FGD6: variants seen among roughly 807,000 people sequenced by gnomAD.
FGD6 encodes FYVE, RhoGEF and PH domain containing 6, also known as FYVE, RhoGEF and PH domain-containing protein 6.
In FGD6, 90 loss-of-function variants were observed where a neutral mutation model predicts 149.4. The ratio of observed to expected loss-of-function variants is 0.60; its 90% confidence interval spans 0.51 to 0.72. FGD6 has a LOEUF of 0.72. Among genes scored for constraint, FGD6 ranks in the 30% least tolerant of loss-of-function variants. The pLI, the probability that FGD6 is intolerant of heterozygous loss-of-function variation, is 0.00. For missense variants in FGD6, 1,437 were observed against 1,684.8 expected (o/e 0.85, Z 2.57); for synonymous variants, 527 against 584.0 (o/e 0.90, Z 1.41).
intron 2 of FGD6, 68 bp from the exon 3 acceptor site, chr12:95,172,812 A>T: frequency 4.7e-6 from 6 of 1,280,776 alleles, no homozygotes; most frequent in Non-Finnish European, 6.4e-6. Context: ...ACAAAAACCA[A>T]ATCAACATCT....
chr12:95,116,759 TCCATCCATCAAC>T (rs1879028684), intron 8 of FGD6: 1 of 448,812 alleles, frequency 2.2e-6, no homozygotes, highest in Non-Finnish European at 4.5e-6. Flanking sequence ...CATCCATCCA[TCCATCCATCAAC>T]CCATCCATCC....
At chr12:95,122,959 C>T (rs1160232131) in intron 8 of FGD6, among the ~76,000 whole-genome samples, 1 of 150,256 alleles carries the variant, frequency 6.7e-6, no homozygotes, top group Non-Finnish European at 1.5e-5. Flanking sequence ...GTGCATGCCT[C>T]CAGTCCCAGC....
chr12:95,159,025 C>T (rs1376493324), intron 3 of FGD6, among the ~76,000 whole-genome samples: 1 of 152,128 alleles, frequency 6.6e-6, no homozygotes, highest in Non-Finnish European at 1.5e-5. Context: ...TTATCAGTAG[C>T]TTTAAAGAAA....
chr12:95,159,946 G>A (rs1032192411), intron 3 of FGD6, among the ~76,000 whole-genome samples: 4 of 151,356 alleles, frequency 2.6e-5, no homozygotes, highest in African/African-American at 9.7e-5. Context: ...GTTTGAGGCT[G>A]CAGTGAGCTA....
Position 95,209,881 on chromosome 12 carries a change from T to C in FGD6, c.1403A>G (p.Gln468Arg). The change falls in exon 2 of 21, where the codon CAA becomes CGA. Residue 468 changes from glutamine to arginine, a missense_variant. Transcript: ENST00000343958. Reference sequence around the variant, plus strand: ...AGAAACTCCCAGGTTTCTCCCAGATTGCAAATGTTCATTGCAAGTTAATTT... The same window carrying C: ...AGAAACTCCCAGGTTTCTCCCAGATCGCAAATGTTCATTGCAAGTTAATTT... ...QLKLTCNEHL[Q>R]SGRNLGVSAP... The C allele has an allele frequency of 6.2e-7, 1 of 1,613,358 alleles. No homozygotes were observed. The highest frequency in any genetic ancestry group is 1.1e-5 in the South Asian group (1 of 90,706).
At chr12:95,173,476 G>T (rs964301584) in intron 2 of FGD6, among the ~76,000 whole-genome samples, 2 of 152,090 alleles carry the variant, frequency 1.3e-5, no homozygotes, top group Admixed American at 6.6e-5. Flanking sequence ...CACAGAGCCA[G>T]GCCATTTACC....
chr12:95,121,443 T>TC (rs1244434871), intron 8 of FGD6, among the ~76,000 whole-genome samples: 5 of 99,940 alleles, frequency 5.0e-5, no homozygotes, highest in African/African-American at 1.2e-4. Context: ...AGAGTAAAAT[T>TC]CCGTCTCAAA....
chr12:95,082,984 T>TAAAAA (rs1173446654), intron 20 of FGD6, among the ~76,000 whole-genome samples: 3 of 31,130 alleles, frequency 9.6e-5, no homozygotes, highest in African/African-American at 1.5e-4. Context: ...CTGTCTCCAT[T>TAAAAA]AAAAAAAAAA....
At chr12:95,135,490 T>G (rs1879639865) in intron 7 of FGD6, among the ~76,000 whole-genome samples, 1 of 152,182 alleles carries the variant, frequency 6.6e-6, no homozygotes, top group Non-Finnish European at 1.5e-5. Context: ...ACAAAGACAT[T>G]TGGTTATCCC....
intron 14 of FGD6, chr12:95,101,047 G>A (rs564278130): frequency 8.5e-5 from 24 of 282,066 alleles, no homozygotes; most frequent in African/African-American, 4.7e-4. Context: ...AATGGAAATA[G>A]TTATGTTGCT....
chr12:95,125,362 G>A (rs561822571), intron 8 of FGD6, among the ~76,000 whole-genome samples: 118 of 152,318 alleles, frequency 7.7e-4, no homozygotes, highest in Admixed American at 1.7e-3. Context: ...GCTAGGTGTA[G>A]TGGCTCATGC....
At chr12:95,126,410 A>G in intron 8 of FGD6, 1 of 1,280,504 alleles carries the variant, frequency 7.8e-7, no homozygotes, top group South Asian at 1.5e-5. Context: ...CTATAAAAAC[A>G]ATAAAGGTTC....
At position 95,108,341 on chromosome 12, in the gene FGD6, T is replaced by C. The variant is rs768202482; in HGVS notation, c.3264+7A>G. On this transcript the variant is annotated splice_region_variant and intron_variant, in intron 11 of 20. Coordinates refer to ENST00000343958, the MANE Select transcript of FGD6 (RefSeq NM_018351.4). ...TAAGTTTGCGAAAAGCAATGTAAAATGCTTACCCGACCAGGCTGCACAATT... is the reference window on the plus strand; with the variant it reads ...TAAGTTTGCGAAAAGCAATGTAAAACGCTTACCCGACCAGGCTGCACAATT... 13 of 1,612,974 alleles carry C rather than the reference T, an allele frequency of 8.1e-6. No individual in the cohort carries two copies. In the East Asian group the frequency reaches 1.3e-4, roughly 17 times the overall value.
chr12:95,082,518 G>A (rs1046085904), intron 20 of FGD6, among the ~76,000 whole-genome samples: 3 of 151,826 alleles, frequency 2.0e-5, no homozygotes, highest in Non-Finnish European at 2.9e-5. Flanking sequence ...TTAGCTGGGC[G>A]TGGTGGTGTG....
At chr12:95,141,053 C>T (rs1005190576) in intron 6 of FGD6, among the ~76,000 whole-genome samples, 2 of 152,114 alleles carry the variant, frequency 1.3e-5, no homozygotes, top group Admixed American at 1.3e-4. Flanking sequence ...GAAACCTCAT[C>T]TCTACTAAAA....
intron 6 of FGD6, among the ~76,000 whole-genome samples, chr12:95,139,687 G>A (rs535636497): frequency 2.7e-4 from 30 of 109,874 alleles, no homozygotes; most frequent in African/African-American, 9.3e-4. Flanking sequence ...AAGGAGTCTC[G>A]CTCTGTCACC....
In FGD6 at chr12:95,209,537, A is replaced by G; in HGVS notation, c.1747T>C (p.Leu583=). The G allele has an allele frequency of 6.2e-7, 1 of 1,614,078 alleles. No homozygotes were observed. Among genetic ancestry groups the G allele is most frequent in the Non-Finnish European group, 8.5e-7 (1 of 1,180,008 alleles). Reference sequence around the variant, plus strand: ...TTTGACGATACGGTGACAGACTTTAAGAATTCTGGGTTCCCTGAAAAGGGT... The same window carrying G: ...TTTGACGATACGGTGACAGACTTTAGGAATTCTGGGTTCCCTGAAAAGGGT... ...ILPFSGNPEF[L]KSVTVSSNSE... Residue 583 remains leucine, a synonymous_variant, in exon 2 of 21, where the codon TTA becomes CTA. Transcript: ENST00000343958.
chr12:95,199,489 T>C (rs962459866), intron 2 of FGD6, among the ~76,000 whole-genome samples: 4 of 152,170 alleles, frequency 2.6e-5, no homozygotes, highest in African/African-American at 9.7e-5. Context: ...CCTGGACTTG[T>C]AAACGATTTC....
chr12:95,205,341 C>CTATA (rs1260704554), intron 2 of FGD6, among the ~76,000 whole-genome samples: 1 of 152,026 alleles, frequency 6.6e-6, no homozygotes, highest in Non-Finnish European at 1.5e-5. Flanking sequence ...ACCATATGGG[C>CTATA]TACACCCAAG....
Sources: gnomAD v4.1 joint callset for allele counts (sites outside exome capture counted in the v4.1 genomes callset) on GRCh38, gnomAD v4.1.1 for gene constraint, MANE v1.5 for transcripts, NCBI Gene and HGNC (gene_info 2026-07-23, HGNC 2026-07-21) for gene names.